BBS9: variants seen among roughly 807,000 people sequenced by gnomAD.
BBS9 encodes the protein Bardet-Biedl syndrome 9.
A neutral mutation model predicts 117.7 loss-of-function variants in BBS9; 89 were observed. The observed-to-expected ratio is 0.76, with a 90% CI of 0.64 to 0.90. The LOEUF (loss-of-function observed/expected upper bound fraction) is 0.90, where lower values mean the gene tolerates loss of function less well. Among genes scored for constraint, BBS9 ranks in the 40% least tolerant of loss-of-function variants. BBS9 has a pLI of 0.00. For synonymous variants in BBS9, 379 were observed against 370.9 expected, an observed-to-expected ratio of 1.02 and a Z score of -0.25; for missense variants, 982 against 1,042.2, an observed-to-expected ratio of 0.94 and a Z score of 0.80.
At chr7:33,134,500 A>G (rs1488987430) in intron 1 of BBS9, among the ~76,000 whole-genome samples, 2 of 152,204 alleles carry the variant, frequency 1.3e-5, no homozygotes, top group Non-Finnish European at 2.9e-5. Context: ...TATCAGATAC[A>G]TGATTTGCAA....
intron 19 of BBS9, among the ~76,000 whole-genome samples, chr7:33,422,448 TA>T (rs1311762162): frequency 6.6e-6 from 1 of 152,226 alleles, no homozygotes; most frequent in Non-Finnish European, 1.5e-5. Context: ...GAGAAAGTGA[TA>T]TTTTTTAGTG....
rs79937742 is a variant in BBS9 at position 33,180,514 on chromosome 7, G to A, written c.442+2923G>A. ...TGGGATTACAGGCACATGCCACCAC[G>A]CCCAGCTAATTTTTGTATTTTCAGT... On this transcript the variant is annotated intron_variant, in intron 5 of 22. Transcript: ENST00000242067. Among the ~76,000 whole-genome samples the A allele has an allele frequency of 0.022, 3,372 of 151,844 alleles. 234 individuals are homozygous for A. The East Asian group carries it at 0.28, about 12-fold the overall frequency.
rs138520474 is a variant in BBS9 at position 33,148,581 on chromosome 7, G to A, written c.112+2217G>A. Among the ~76,000 whole-genome samples the A allele has an allele frequency of 8.1e-3, 1,231 of 151,614 alleles. 6 individuals are homozygous for A. Among genetic ancestry groups the A allele is most frequent in the Non-Finnish European group, 0.014 (937 of 67,890 alleles). On this transcript the variant is annotated intron_variant, in intron 2 of 22. Coordinates refer to ENST00000242067, the MANE Select transcript of BBS9 (RefSeq NM_198428.3). ...TTTTGCCATGTTGGCCAGGCTGGTC[G>A]CGAACTCCTGACCTTGGGTGATCCA...
chr7:33,483,544 T>C (rs1249084279), intron 19 of BBS9, among the ~76,000 whole-genome samples: 1 of 152,324 alleles, frequency 6.6e-6, no homozygotes, highest in East Asian at 1.9e-4. Context: ...CAAGGTCATA[T>C]CTAGGAAACA....
At chr7:33,296,764 G>A (rs1179844541) in intron 9 of BBS9, among the ~76,000 whole-genome samples, 1 of 152,148 alleles carries the variant, frequency 6.6e-6, no homozygotes, top group East Asian at 1.9e-4. Flanking sequence ...CATGGCCCCT[G>A]TAGGTGCCCT....
intron 19 of BBS9, among the ~76,000 whole-genome samples, chr7:33,401,877 G>T (rs1420824916): frequency 6.6e-6 from 1 of 152,150 alleles, no homozygotes; most frequent in Admixed American, 6.5e-5. Flanking sequence ...TTCAAGATTT[G>T]ACAAAGAAAC....
chr7:33,572,940 C>T (rs113176421), intron 21 of BBS9, among the ~76,000 whole-genome samples: 4,838 of 151,990 alleles, frequency 0.032, 113 homozygotes, highest in South Asian at 0.055. Context: ...TATTTTGATA[C>T]TGAAAATTTC....
downstream of BBS9, among the ~76,000 whole-genome samples, chr7:33,606,780 T>C (rs1174763749): frequency 6.6e-6 from 1 of 152,174 alleles, no homozygotes; most frequent in African/African-American, 2.4e-5. Flanking sequence ...TTCGAGGTCC[T>C]CTTGGAATAA....
At chr7:33,603,070 G>A (rs1287155528) in intron 21 of BBS9, among the ~76,000 whole-genome samples, 1 of 152,146 alleles carries the variant, frequency 6.6e-6, no homozygotes, top group Admixed American at 6.5e-5. Context: ...AGACCTGCCT[G>A]TCCCCAAGCA....
intron 1 of BBS9, among the ~76,000 whole-genome samples, chr7:33,135,067 A>T (rs1476326256): frequency 6.6e-6 from 1 of 151,976 alleles, no homozygotes; most frequent in African/African-American, 2.4e-5. Flanking sequence ...TAATTTTTAT[A>T]TTTTTTGTAG....
chr7:33,277,880 C>T (rs918374407), intron 9 of BBS9, among the ~76,000 whole-genome samples: 1 of 152,102 alleles, frequency 6.6e-6, no homozygotes, highest in African/African-American at 2.4e-5. Context: ...AGTTGCATAT[C>T]TTGTGACCTC....
At chr7:33,349,282 C>T (rs768195738) in intron 13 of BBS9, 112 bp downstream of exon 13, 18 of 791,642 alleles carry the variant, frequency 2.3e-5, no homozygotes, top group South Asian at 1.1e-4. Context: ...TTGGGATCGT[C>T]CCAAAATCAA....
intron 19 of BBS9, among the ~76,000 whole-genome samples, chr7:33,435,678 G>A (rs1173076596): frequency 2.6e-5 from 4 of 152,136 alleles, no homozygotes; most frequent in African/African-American, 7.2e-5. Flanking sequence ...GTTGGAACCA[G>A]TTTGCCCCAT....
intron 21 of BBS9, among the ~76,000 whole-genome samples, chr7:33,542,699 A>ATATATG (rs751531506): frequency 6.2e-5 from 9 of 145,860 alleles, no homozygotes; most frequent in Non-Finnish European, 1.2e-4. Context: ...CATTATATAT[A>ATATATG]TGTGTGTGTG....
chr7:33,376,743 C>T (rs1035081295), intron 17 of BBS9, among the ~76,000 whole-genome samples: 1 of 152,108 alleles, frequency 6.6e-6, no homozygotes, highest in African/African-American at 2.4e-5. Flanking sequence ...ACATTTCTGA[C>T]TGGTGTGACA....
rs569407976 is a variant in BBS9, at chr7:33,341,221, G to A, written c.1275+248G>A. Among the ~76,000 whole-genome samples, 4 of 152,192 alleles carry A rather than the reference G, an allele frequency of 2.6e-5. 1 individual carries two copies. In the South Asian group the frequency reaches 8.3e-4, roughly 32 times the overall value. The stretch of plus-strand genomic sequence containing the variant: ...TAGGGGAAGAGAGAGCAGTAGGAGG[G>A]CTTCTTGCCCTAGTTCTAATCCTAC... On this transcript the variant is annotated intron_variant, in intron 11 of 22. Coordinates refer to ENST00000242067, the MANE Select transcript of BBS9 (RefSeq NM_198428.3).
chr7:33,301,960 A>G (rs1212672452), intron 9 of BBS9, among the ~76,000 whole-genome samples: 1 of 152,130 alleles, frequency 6.6e-6, no homozygotes, highest in Non-Finnish European at 1.5e-5. Context: ...ACTTTTAGAT[A>G]AAAGTCGTTT....
intron 19 of BBS9, among the ~76,000 whole-genome samples, chr7:33,504,142 T>C (rs1217633567): frequency 6.6e-6 from 1 of 152,202 alleles, no homozygotes; most frequent in Admixed American, 6.5e-5. Context: ...AGTAGCACAG[T>C]ACTAGGCACA....
Position 33,273,165 on chromosome 7 carries a change from A to C in BBS9, c.856A>C (p.Ser286Arg), listed in dbSNP as rs1800127643. The C allele has an allele frequency of 6.2e-7, 1 of 1,613,678 alleles. No individual in the cohort carries two copies. The highest frequency in any genetic ancestry group is 8.5e-7 in the Non-Finnish European group (1 of 1,179,768). The change falls in exon 8 of 23, where the codon AGC (serine) becomes CGC (arginine). Residue 286 changes from serine (S) to arginine (R), a missense_variant. Physicochemically the swap from Ser to Arg is moderately radical, Grantham distance 110. Transcript: ENST00000242067. Reference protein sequence around the residue: ...QIRFMKKLDWSPSCFLPYCSV... With the variant: ...QIRFMKKLDWRPSCFLPYCSV... ...TCGATTCATGAAGAAGCTTGATTGG[A>C]GCCCAAGTTGTTTTCTGCCATATTG...
Sources: gnomAD v4.1 joint callset for allele counts (sites outside exome capture counted in the v4.1 genomes callset) on GRCh38, gnomAD v4.1.1 for gene constraint, MANE v1.5 for transcripts, NCBI Gene and HGNC (gene_info 2026-07-23, HGNC 2026-07-21) for gene names.